The following AR variants were observed in gnomAD, a reference collection of about 807,000 sequenced individuals.
AR encodes the protein dihydrotestosterone receptor.
AR carries 8 observed loss-of-function variants against 53.9 expected under a neutral mutation model. That is an observed-to-expected ratio of 0.15 (90% CI 0.09 to 0.27). AR has a LOEUF of 0.27. AR is among the 10% of genes least tolerant of loss of function. The pLI, the probability that AR is intolerant of heterozygous loss-of-function variation, is 1.00. For missense variants in AR, 639 were observed against 742.5 expected (o/e 0.86, Z 1.62); for synonymous variants, 359 against 316.4 (o/e 1.13, Z -1.43).
chrX:67,699,945 T>C (rs1385141718), intron 3 of AR, among the ~76,000 whole-genome samples: 2 of 111,474 alleles, frequency 1.8e-5, no homozygotes, highest in Non-Finnish European at 3.8e-5. Flanking sequence ...CATCTGCTCC[T>C]CCCTAGGAAT....
chrX:67,694,628 C>G, intron 3 of AR: 1 of 1,152,198 alleles, frequency 8.7e-7, no homozygotes, highest in Non-Finnish European at 1.1e-6. Flanking sequence ...GATACAAGCC[C>G]GTATTTAGAC....
At chrX:67,588,417 G>A (rs183076861) in intron 1 of AR, among the ~76,000 whole-genome samples, 2 of 112,013 alleles carry the variant, frequency 1.8e-5, no homozygotes, top group East Asian at 2.8e-4. Flanking sequence ...TATGACAAGC[G>A]CTGAGGCCAT....
chrX:67,615,559 G>T (rs892348863), intron 1 of AR, among the ~76,000 whole-genome samples: 3 of 111,207 alleles, frequency 2.7e-5, no homozygotes, highest in Non-Finnish European at 5.7e-5. Context: ...GACATGCCTT[G>T]CAAGAAATAC....
chrX:67,553,500 T>G (rs1021590412), intron 1 of AR, among the ~76,000 whole-genome samples: 1 of 112,016 alleles, frequency 8.9e-6, no homozygotes, highest in Non-Finnish European at 1.9e-5. Context: ...CTCTTCAACT[T>G]TGGTCTTCTT....
At chrX:67,599,906 C>A (rs1420992415) in intron 1 of AR, among the ~76,000 whole-genome samples, 1 of 111,442 alleles carries the variant, frequency 9.0e-6, no homozygotes, top group South Asian at 3.7e-4. Flanking sequence ...ATTAAATCAA[C>A]CATTAAATAC....
At chrX:67,653,516 A>C (rs764651855) in intron 2 of AR, among the ~76,000 whole-genome samples, 18 of 111,553 alleles carry the variant, frequency 1.6e-4, no homozygotes, top group African/African-American at 4.6e-4. Flanking sequence ...CTTCAGGAGG[A>C]GGGAACAGGC....
chrX:67,627,870 C>T (rs1368628505), intron 1 of AR, among the ~76,000 whole-genome samples: 2 of 111,785 alleles, frequency 1.8e-5, no homozygotes, highest in African/African-American at 6.5e-5. Flanking sequence ...GCCAGTTTTT[C>T]CAGCACCATT....
At chrX:67,709,573 A>C (rs913937946) in intron 3 of AR, among the ~76,000 whole-genome samples, 15 of 111,976 alleles carry the variant, frequency 1.3e-4, no homozygotes, top group Non-Finnish European at 2.8e-4. Context: ...GAATTTCCTG[A>C]CCCTTTGCAC....
intron 3 of AR, among the ~76,000 whole-genome samples, chrX:67,710,115 G>C (rs1409441771): frequency 9.1e-6 from 1 of 110,099 alleles, no homozygotes; most frequent in African/African-American, 3.3e-5. Flanking sequence ...GAGAGAGAGA[G>C]AGAGACAGAA....
At chrX:67,634,729 C>A (rs1445044376) in intron 1 of AR, among the ~76,000 whole-genome samples, 1 of 111,391 alleles carries the variant, frequency 9.0e-6, no homozygotes, top group African/African-American at 3.3e-5. Context: ...ACCAACTTCT[C>A]CACCAAAATA....
intron 3 of AR, chrX:67,695,287 T>C: frequency 2.7e-6 from 2 of 754,234 alleles, no homozygotes; most frequent in South Asian, 1.4e-4. Context: ...GATCTTAGCC[T>C]CAGGCCCTGT....
intron 2 of AR, among the ~76,000 whole-genome samples, chrX:67,665,972 A>G (rs1927242653): frequency 9.0e-6 from 1 of 111,267 alleles, no homozygotes; most frequent in African/African-American, 3.3e-5. Flanking sequence ...GAGGTACCTG[A>G]GGCATTTTGA....
intron 1 of AR, among the ~76,000 whole-genome samples, chrX:67,579,424 A>ACTT (rs1470656747): frequency 9.0e-6 from 1 of 111,401 alleles, no homozygotes; most frequent in Non-Finnish European, 1.9e-5. Flanking sequence ...TTGCAAGGCT[A>ACTT]CTTTGTATTG....
chrX:67,719,465 T>A (rs945955475), intron 5 of AR, among the ~76,000 whole-genome samples: 30 of 111,471 alleles, frequency 2.7e-4, no homozygotes, highest in African/African-American at 8.8e-4. Context: ...CCACCTCGGC[T>A]TCCTGGTCCA....
At chrX:67,646,541 G>A (rs1032083987) in intron 2 of AR, among the ~76,000 whole-genome samples, 5 of 110,131 alleles carry the variant, frequency 4.5e-5, no homozygotes, top group African/African-American at 1.7e-4. Context: ...GAGGGAAATA[G>A]TTGGTTTATG....
At chrX:67,695,242 A>T (rs1291562546) in intron 3 of AR, 1 of 752,041 alleles carries the variant, frequency 1.3e-6, no homozygotes, top group African/African-American at 2.3e-5. Context: ...TTTCCCCCTT[A>T]GGTTCTAGCC....
At chrX:67,641,716 T>C (rs1266727896) in intron 1 of AR, among the ~76,000 whole-genome samples, 4 of 111,348 alleles carry the variant, frequency 3.6e-5, no homozygotes. Context: ...GAATTTTTTA[T>C]TGCTTTCTGT....
intron 1 of AR, among the ~76,000 whole-genome samples, chrX:67,597,139 C>T (rs1464983706): frequency 8.9e-6 from 1 of 111,876 alleles, no homozygotes; most frequent in Non-Finnish European, 1.9e-5. Context: ...TTTGCACTAG[C>T]CCAGATAGTA....
At chrX:67,602,964 A>G (rs1923448177) in intron 1 of AR, among the ~76,000 whole-genome samples, 2 of 112,076 alleles carry the variant, frequency 1.8e-5, no homozygotes, top group Admixed American at 1.9e-4. Context: ...GAATTAATTT[A>G]TACTGCTGTG....
Sources: allele counts gnomAD v4.1 joint callset (sites outside exome capture counted in the v4.1 genomes callset), GRCh38; gene constraint gnomAD v4.1.1; transcripts MANE v1.5; gene names NCBI Gene and HGNC (gene_info 2026-07-23, HGNC 2026-07-21).